The following RPSA2 variants were observed in gnomAD, a reference collection of about 807,000 sequenced individuals.
The protein encoded by RPSA2 is small ribosomal subunit protein uS2B.
chr19:23,785,454 C>T, the RPSA2 span, among the ~76,000 whole-genome samples: 2 of 152,088 alleles, frequency 1.3e-5, no homozygotes, highest in African/African-American at 2.4e-5. Flanking sequence ...CTACACTCTG[C>T]CCACAGAAAA....
chr19:23,836,207 T>C, the RPSA2 span, among the ~76,000 whole-genome samples: 1 of 152,158 alleles, frequency 6.6e-6, no homozygotes, highest in Non-Finnish European at 1.5e-5. Context: ...CTTTCCATTC[T>C]CATAGCTTAC....
At chr19:23,829,192 C>G in the RPSA2 span, among the ~76,000 whole-genome samples, 1 of 152,088 alleles carries the variant, frequency 6.6e-6, no homozygotes. Flanking sequence ...AATTATTAGA[C>G]TTACTGTTAT....
chr19:23,844,944 C>T, the RPSA2 span, among the ~76,000 whole-genome samples: 1 of 148,968 alleles, frequency 6.7e-6, no homozygotes, highest in South Asian at 2.1e-4. Flanking sequence ...TCATGCTACT[C>T]ATTATTGGTT....
the RPSA2 span, among the ~76,000 whole-genome samples, chr19:23,844,397 A>G: frequency 6.6e-6 from 1 of 152,128 alleles, no homozygotes; most frequent in Non-Finnish European, 1.5e-5. Flanking sequence ...TTTTGGGTAG[A>G]TACCCAATGG....
At chr19:23,788,688 A>G in the RPSA2 span, among the ~76,000 whole-genome samples, 1 of 152,154 alleles carries the variant, frequency 6.6e-6, no homozygotes, top group African/African-American at 2.4e-5. Context: ...CACCTAGATG[A>G]TGTAACTCGT....
chr19:23,783,181 C>T, the RPSA2 span, among the ~76,000 whole-genome samples: 1 of 152,006 alleles, frequency 6.6e-6, no homozygotes, highest in Non-Finnish European at 1.5e-5. Flanking sequence ...CCACAACCTC[C>T]ACCTCTCAGG....
the RPSA2 span, among the ~76,000 whole-genome samples, chr19:23,830,263 G>A: frequency 6.6e-6 from 1 of 152,122 alleles, no homozygotes; most frequent in Admixed American, 6.5e-5. Context: ...TCCAGCCTCA[G>A]CCTCCTGAGT....
the RPSA2 span, among the ~76,000 whole-genome samples, chr19:23,861,177 G>A: frequency 6.6e-6 from 1 of 152,114 alleles, no homozygotes; most frequent in Non-Finnish European, 1.5e-5. Flanking sequence ...CAAATTCTGA[G>A]GCAAAACCTT....
the RPSA2 span, among the ~76,000 whole-genome samples, chr19:23,861,203 G>C: frequency 6.6e-6 from 1 of 152,166 alleles, no homozygotes; most frequent in Non-Finnish European, 1.5e-5. Flanking sequence ...TCTATGTTAT[G>C]TAAAATAACA....
chr19:23,848,158 T>C, the RPSA2 span, among the ~76,000 whole-genome samples: 1 of 152,182 alleles, frequency 6.6e-6, no homozygotes, highest in Non-Finnish European at 1.5e-5. Context: ...TAAAGTAAGA[T>C]AGGCATAAGA....
chr19:23,758,917 G>A, the RPSA2 span: 10 of 825,034 alleles, frequency 1.2e-5, no homozygotes, highest in African/African-American at 1.4e-4. Context: ...CCCGGAAGCC[G>A]CCCTGTCTGC....
At chr19:23,788,628 G>A in the RPSA2 span, among the ~76,000 whole-genome samples, 4 of 152,006 alleles carry the variant, frequency 2.6e-5, no homozygotes, top group South Asian at 2.1e-4. Context: ...GTGACTCTTC[G>A]TCAGCCTCTA....
chr19:23,828,399 ATTTC>A, the RPSA2 span, among the ~76,000 whole-genome samples: 1 of 141,566 alleles, frequency 7.1e-6, no homozygotes, highest in African/African-American at 2.6e-5. Context: ...TGGTGTTTCT[ATTTC>A]TTCAAAAATG....
At chr19:23,791,202 T>G in the RPSA2 span, among the ~76,000 whole-genome samples, 3 of 152,130 alleles carry the variant, frequency 2.0e-5, no homozygotes, top group Non-Finnish European at 4.4e-5. Context: ...TAATTTATGG[T>G]CTGTGGAAGG....
chr19:23,778,785 G>A, the RPSA2 span, among the ~76,000 whole-genome samples: 1 of 151,938 alleles, frequency 6.6e-6, no homozygotes, highest in African/African-American at 2.4e-5. Context: ...ACATCACTTG[G>A]CCTAGCACTT....
chr19:23,795,207 G>A, the RPSA2 span, among the ~76,000 whole-genome samples: 2 of 130,232 alleles, frequency 1.5e-5, no homozygotes, highest in Non-Finnish European at 3.3e-5. Flanking sequence ...TTTTTTTTTA[G>A]TTAAAGATAT....
chr19:23,803,579 C>A, the RPSA2 span, among the ~76,000 whole-genome samples: 1 of 35,668 alleles, frequency 2.8e-5, no homozygotes, highest in Non-Finnish European at 5.8e-5. Flanking sequence ...TATTTATATT[C>A]TATACATTTT....
chr19:23,798,677 C>G, the RPSA2 span, among the ~76,000 whole-genome samples: 1 of 151,984 alleles, frequency 6.6e-6, no homozygotes, highest in Non-Finnish European at 1.5e-5. Context: ...ATCTAATATC[C>G]AAAGAAATTT....
At chr19:23,810,394 C>CA in the RPSA2 span, among the ~76,000 whole-genome samples, 22 of 13,042 alleles carry the variant, frequency 1.7e-3, no homozygotes, top group African/African-American at 6.8e-3. Context: ...ACTCCCTCTC[C>CA]AAAAAAAAAA....
Sources: allele counts gnomAD v4.1 joint callset (sites outside exome capture counted in the v4.1 genomes callset), GRCh38; gene constraint gnomAD v4.1.1; transcripts MANE v1.5; gene names NCBI Gene and HGNC (gene_info 2026-07-23, HGNC 2026-07-21).